The following IQCB1 variants were observed in gnomAD, a reference collection of about 807,000 sequenced individuals.
IQCB1 encodes the protein IQ calmodulin-binding motif-containing protein 1.
A neutral mutation model predicts 84.4 loss-of-function variants in IQCB1; 56 were observed. The observed-to-expected ratio is 0.66, with a 90% CI of 0.54 to 0.83. IQCB1 has a LOEUF of 0.83. Among genes scored for constraint, IQCB1 ranks in the 40% least tolerant of loss-of-function variants. The probability of loss-of-function intolerance (pLI) is 0.00; values close to 1 mark genes in which losing one functional copy is unlikely to be tolerated. For synonymous variants in IQCB1, 210 were observed against 234.8 expected (o/e 0.89, Z 0.96); for missense variants, 629 against 682.1 (o/e 0.92, Z 0.87).
intron 13 of IQCB1, among the ~76,000 whole-genome samples, chr3:121,780,370 T>C (rs1948421056): frequency 6.6e-6 from 1 of 152,212 alleles, no homozygotes; most frequent in South Asian, 2.1e-4. Flanking sequence ...TTTCTTTTTC[T>C]GGTTGTTTCA....
At chr3:121,831,875 T>C (rs1296427455) in intron 2 of IQCB1, among the ~76,000 whole-genome samples, 3 of 152,240 alleles carry the variant, frequency 2.0e-5, no homozygotes, top group Non-Finnish European at 2.9e-5. Flanking sequence ...CACAAAACTT[T>C]CAAAGAGAGT....
chr3:121,828,582 G>C lies in IQCB1; in HGVS notation c.151C>G (p.Gln51Glu), dbSNP rs761441175. 2 of 1,604,460 alleles carry C rather than the reference G, an allele frequency of 1.2e-6. No individual in the cohort carries two copies. Among genetic ancestry groups the C allele is most frequent in the Non-Finnish European group, 1.7e-6 (2 of 1,171,454 alleles). ...LGSSELKKIK[Q>E]DIYCYDLIQY... ...ATGAGATCATAACAATATATATCTT[G>C]TTTGATTTTCTTCAACTCTGAGCTT... The change falls in exon 4 of 15, where the codon CAA (glutamine) becomes GAA (glutamate). Residue 51 changes from glutamine (Q) to glutamate (E), a missense_variant. Gln to Glu is a conservative substitution (Grantham distance 29). Coordinates refer to ENST00000310864, the MANE Select transcript of IQCB1 (RefSeq NM_001023570.4).
chr3:121,805,641 T>C (rs1949575090), intron 7 of IQCB1, among the ~76,000 whole-genome samples: 1 of 152,192 alleles, frequency 6.6e-6, no homozygotes, highest in Non-Finnish European at 1.5e-5. Flanking sequence ...CTGAACACTC[T>C]ACCCAATGAC....
At chr3:121,795,914 T>A (rs548519684) in intron 9 of IQCB1, among the ~76,000 whole-genome samples, 3 of 152,194 alleles carry the variant, frequency 2.0e-5, no homozygotes, top group Non-Finnish European at 4.4e-5. Context: ...GTTCAAACTA[T>A]AAGCTCTGTT....
At chr3:121,833,788 T>A (rs1708091888) in intron 2 of IQCB1, 1 of 152,144 alleles carries the variant, frequency 6.6e-6, no homozygotes. Context: ...AATTCCTACC[T>A]CCTAGAATGA....
chr3:121,810,796 CA>C (rs1169671022), intron 5 of IQCB1, among the ~76,000 whole-genome samples: 1 of 152,118 alleles, frequency 6.6e-6, no homozygotes, highest in Admixed American at 6.5e-5. Flanking sequence ...GCACAGCCAG[CA>C]AAAGAAATCA....
In IQCB1 at chr3:121,770,415, A is replaced by T; in HGVS notation, c.1727T>A (p.Ile576Asn). 6.2e-7 allele frequency: 1 copy of T among 1,614,206 alleles called. No homozygotes were observed. Among genetic ancestry groups the T allele is most frequent in the Middle Eastern group, 1.6e-4 (1 of 6,062 alleles). Residue 576 changes from isoleucine (I) to asparagine (N), a missense_variant, in exon 15 of 15, where the codon ATT becomes AAT. Physicochemically the swap from Ile to Asn is moderately radical, Grantham distance 149. Coordinates refer to ENST00000310864, the MANE Select transcript of IQCB1 (RefSeq NM_001023570.4). ...KKLGEESGDE[I>N]DVPKDELSIE... ...ACTAAGCTCATCCTTTGGAACATCA[A>T]TCTCATCTCCAGATTCTTCTCCAAG...
intron 5 of IQCB1, among the ~76,000 whole-genome samples, chr3:121,818,874 G>A (rs1250217522): frequency 6.6e-6 from 1 of 152,152 alleles, no homozygotes; most frequent in Non-Finnish European, 1.5e-5. Flanking sequence ...TAAATCTGAA[G>A]CTAAGTAAAT....
intron 7 of IQCB1, 47 bp downstream of exon 7, chr3:121,807,297 G>A (rs1360218669): frequency 4.3e-6 from 4 of 934,168 alleles, no homozygotes; most frequent in Non-Finnish European, 7.1e-6. Context: ...AATTGGTAAT[G>A]CTTCTGATAA....
chr3:121,833,644 A>C (rs1417823834), intron 2 of IQCB1, among the ~76,000 whole-genome samples: 1 of 152,146 alleles, frequency 6.6e-6, no homozygotes, highest in Non-Finnish European at 1.5e-5. Flanking sequence ...ACACACACAC[A>C]GATACAAAAA....
At chr3:121,824,526 C>T (rs370358425) in intron 5 of IQCB1, among the ~76,000 whole-genome samples, 2 of 150,150 alleles carry the variant, frequency 1.3e-5, no homozygotes, top group East Asian at 3.9e-4. Flanking sequence ...TGGCAATATT[C>T]GTAATAGTAA....
chr3:121,780,883 TGAGA>T (rs10687174), intron 13 of IQCB1, among the ~76,000 whole-genome samples: 100 of 148,900 alleles, frequency 6.7e-4, no homozygotes, highest in Non-Finnish European at 8.3e-4. Flanking sequence ...TGTGTGTGTG[TGAGA>T]GAGAGAGAGA....
intron 6 of IQCB1, among the ~76,000 whole-genome samples, chr3:121,807,888 C>G (rs1008340818): frequency 6.6e-6 from 1 of 151,838 alleles, no homozygotes; most frequent in African/African-American, 2.4e-5. Flanking sequence ...ATAATGAATA[C>G]GCTAACTACA....
chr3:121,790,866 T>A (rs1948937839), intron 10 of IQCB1, among the ~76,000 whole-genome samples: 1 of 152,246 alleles, frequency 6.6e-6, no homozygotes, highest in East Asian at 1.9e-4. Context: ...TTTCTTCTTA[T>A]GCCTATTTCT....
rs398123538 is a variant in IQCB1, at chr3:121,772,604, CTG to C, written c.1518_1519del (p.His506GlnfsTer13). 157 of 1,614,136 alleles carry C rather than the reference CTG, an allele frequency of 9.7e-5. No individual in the cohort carries two copies. Among genetic ancestry groups the C allele is most frequent in the Non-Finnish European group, 1.3e-4 (151 of 1,180,064 alleles). On this transcript the variant is annotated frameshift_variant, in exon 14 of 15. Coordinates refer to ENST00000310864, the MANE Select transcript of IQCB1 (RefSeq NM_001023570.4). LOFTEE classifies it high-confidence loss of function. ...GCTGATCTGTGCTATCAGAGCTTCT[CTG>C]TGCTGCTGGGCTCGCTCTTCTAGGG...
At chr3:121,830,996 T>A (rs1268654658) in intron 2 of IQCB1, among the ~76,000 whole-genome samples, 1 of 152,190 alleles carries the variant, frequency 6.6e-6, no homozygotes, top group Non-Finnish European at 1.5e-5. Context: ...CATGCTTCAG[T>A]CATGCCTATC....
At chr3:121,771,896 C>T (rs1375086993) in intron 14 of IQCB1, among the ~76,000 whole-genome samples, 1 of 152,080 alleles carries the variant, frequency 6.6e-6, no homozygotes, top group Non-Finnish European at 1.5e-5. Context: ...AAATTATAGG[C>T]TAGGCACGGT....
intron 5 of IQCB1, among the ~76,000 whole-genome samples, chr3:121,810,575 A>G (rs1425469210): frequency 1.3e-5 from 2 of 151,670 alleles, no homozygotes; most frequent in Non-Finnish European, 2.9e-5. Flanking sequence ...ATACAAATAC[A>G]TAACATATTA....
chr3:121,829,096 A>T, intron 2 of IQCB1, 124 bp from the exon 3 acceptor site: 1 of 669,000 alleles, frequency 1.5e-6, no homozygotes. Flanking sequence ...TTTGAGAGGC[A>T]GAATGTAGAT....
Sources: allele counts gnomAD v4.1 joint callset (sites outside exome capture counted in the v4.1 genomes callset), GRCh38; gene constraint gnomAD v4.1.1; transcripts MANE v1.5; gene names NCBI Gene and HGNC (gene_info 2026-07-23, HGNC 2026-07-21).